HELZ: variants seen among roughly 807,000 people sequenced by gnomAD.
HELZ encodes the protein helicase with zinc finger.
HELZ carries 23 observed loss-of-function variants against 218.2 expected under a neutral mutation model. That is an observed-to-expected ratio of 0.11 (90% CI 0.08 to 0.15). The LOEUF (loss-of-function observed/expected upper bound fraction) is 0.15. HELZ is among the 10% of genes least tolerant of loss of function. The probability of loss-of-function intolerance (pLI) is 1.00; values close to 1 mark genes in which losing one functional copy is unlikely to be tolerated. For missense variants in HELZ, 1,813 were observed against 2,353.7 expected (o/e 0.77, Z 4.75); for synonymous variants, 814 against 829.4 (o/e 0.98, Z 0.32).
At chr17:67,128,955 T>A in intron 23 of HELZ, 100 bp from the exon 24 acceptor site, 1 of 892,588 alleles carries the variant, frequency 1.1e-6, no homozygotes, top group Non-Finnish European at 1.8e-6. Flanking sequence ...ACCCCCAACC[T>A]CAAATCCTTA....
intron 12 of HELZ, chr17:67,179,691 A>C (rs1302510395): frequency 6.6e-6 from 1 of 152,196 alleles, no homozygotes; most frequent in Non-Finnish European, 1.5e-5. Context: ...TGTAGTGCGT[A>C]TTACTTTTCT....
At chr17:67,240,624 A>T (rs540975928) in intron 2 of HELZ, among the ~76,000 whole-genome samples, 1 of 152,250 alleles carries the variant, frequency 6.6e-6, no homozygotes, top group African/African-American at 2.4e-5. Context: ...CCTAAAATAT[A>T]GCACAGAAAT....
chr17:67,135,302 C>A (rs569197426), intron 23 of HELZ, among the ~76,000 whole-genome samples: 1 of 152,226 alleles, frequency 6.6e-6, no homozygotes, highest in African/African-American at 2.4e-5. Flanking sequence ...GAAGGAAATT[C>A]ATCAAAAATT....
intron 22 of HELZ, among the ~76,000 whole-genome samples, chr17:67,136,976 T>G (rs940198043): frequency 3.3e-5 from 5 of 152,130 alleles, no homozygotes; most frequent in Non-Finnish European, 7.4e-5. Context: ...ATAAAAAAAT[T>G]TTTTTTAATG....
Position 67,098,446 on chromosome 17 carries a change from C to T in HELZ, c.5241+8723G>A, listed in dbSNP as rs557608699. ...ATTTTAACTTTTAATTAAAAATGTC[C>T]AAACAAAGCCAGGCGTGGTGGCTCA... On this transcript the variant is annotated intron_variant, in intron 31 of 32. Coordinates refer to ENST00000358691, the MANE Select transcript of HELZ (RefSeq NM_014877.4). 2.0e-5 allele frequency among the ~76,000 whole-genome samples: 3 copies of T among 151,906 alleles called. No homozygotes were observed. The South Asian group carries it at 6.3e-4, about 32-fold the overall frequency.
intron 7 of HELZ, among the ~76,000 whole-genome samples, chr17:67,198,342 C>CT (rs2040084573): frequency 6.6e-6 from 1 of 152,226 alleles, no homozygotes; most frequent in Admixed American, 6.5e-5. Context: ...ACACTGAGCT[C>CT]TAGGTCTCCT....
At chr17:67,231,331 C>T (rs1213788636) in intron 3 of HELZ, among the ~76,000 whole-genome samples, 2 of 151,898 alleles carry the variant, frequency 1.3e-5, no homozygotes, top group Non-Finnish European at 2.9e-5. Context: ...TGGTGGCTCA[C>T]GCATGTAATC....
intron 25 of HELZ, 133 bp from the exon 26 acceptor site, chr17:67,123,293 G>A (rs1237383224): frequency 2.0e-6 from 1 of 507,808 alleles, no homozygotes; most frequent in East Asian, 3.2e-5. Context: ...AGAATTATCA[G>A]TGTGGAAAAG....
chr17:67,144,693 G>A (rs2144002407), intron 21 of HELZ, among the ~76,000 whole-genome samples: 1 of 151,818 alleles, frequency 6.6e-6, no homozygotes, highest in South Asian at 2.1e-4. Context: ...GTCACCGCAG[G>A]GCCACCAAGG....
chr17:67,113,417 G>A (rs976955266), intron 28 of HELZ, among the ~76,000 whole-genome samples: 2 of 151,932 alleles, frequency 1.3e-5, no homozygotes, highest in Admixed American at 6.6e-5. Context: ...CCGCCACCAC[G>A]CCCGGCTAAT....
At chr17:67,118,206 T>G (rs2143808384) in intron 27 of HELZ, among the ~76,000 whole-genome samples, 1 of 152,318 alleles carries the variant, frequency 6.6e-6, no homozygotes, top group Non-Finnish European at 1.5e-5. Context: ...AGTATCCACA[T>G]ATAGGATCAA....
At chr17:67,154,165 C>T (rs1305292359) in intron 17 of HELZ, among the ~76,000 whole-genome samples, 2 of 152,218 alleles carry the variant, frequency 1.3e-5, no homozygotes, top group African/African-American at 2.4e-5. Flanking sequence ...TGATGGCTCA[C>T]GCCTATAATC....
intron 5 of HELZ, among the ~76,000 whole-genome samples, chr17:67,205,313 C>T (rs1312770340): frequency 1.3e-5 from 2 of 148,632 alleles, no homozygotes; most frequent in East Asian, 2.0e-4. Context: ...GGGACAAGAG[C>T]GAAACTGTCT....
chr17:67,106,835 C>A (rs1240446301), intron 31 of HELZ, among the ~76,000 whole-genome samples: 1 of 152,134 alleles, frequency 6.6e-6, no homozygotes, highest in Non-Finnish European at 1.5e-5. Context: ...TTATAATTAA[C>A]ACATGTAACT....
intron 7 of HELZ, 63 bp from the exon 8 acceptor site, chr17:67,195,533 G>A (rs2144321970): frequency 3.4e-6 from 3 of 887,932 alleles, no homozygotes; most frequent in South Asian, 2.9e-5. Context: ...AACTAAACTT[G>A]AACATTTTCA....
intron 5 of HELZ, among the ~76,000 whole-genome samples, chr17:67,212,290 G>A (rs533613535): frequency 1.4e-3 from 140 of 103,518 alleles, no homozygotes; most frequent in African/African-American, 4.7e-3. Flanking sequence ...ACTCCAACCT[G>A]GGCGACAGGG....
At chr17:67,217,334 T>C (rs2040625735) in intron 4 of HELZ, among the ~76,000 whole-genome samples, 1 of 152,236 alleles carries the variant, frequency 6.6e-6, no homozygotes, top group Admixed American at 6.5e-5. Context: ...CTATTTTCAA[T>C]GTATAAACCA....
In HELZ at chr17:67,188,231, A is replaced by C; in HGVS notation, c.1162+88T>G. On this transcript the variant is annotated intron_variant, in intron 12 of 32. Coordinates refer to ENST00000358691, the MANE Select transcript of HELZ (RefSeq NM_014877.4). This position sits in a 1 kb window ranked among gnomAD's most constrained non-coding sequence, Gnocchi z 4.1. Reference sequence around the variant, plus strand: ...TTTTCTTTATTACTATTCTCTTCCTATCCATGGAATATATTCAGGGGCCAA... The same window carrying C: ...TTTTCTTTATTACTATTCTCTTCCTCTCCATGGAATATATTCAGGGGCCAA... The C allele has an allele frequency of 3.4e-6, 4 of 1,188,862 alleles. No homozygotes were observed. Among genetic ancestry groups the C allele is most frequent in the South Asian group, 1.5e-5 (1 of 67,104 alleles). The allele number at this position is 1,188,862 out of a possible 1,614,324, so 73.6% of individuals were successfully genotyped here. A position where few individuals can be genotyped will look rare whatever the true frequency, so the allele number is the denominator to read the frequency against.
chr17:67,229,117 A>C (rs755348928), intron 3 of HELZ, among the ~76,000 whole-genome samples: 1 of 152,216 alleles, frequency 6.6e-6, no homozygotes, highest in Admixed American at 6.5e-5. Context: ...CAGTGTGGCT[A>C]AAGTGTATCA....
Sources: gnomAD v4.1 joint callset for allele counts (sites outside exome capture counted in the v4.1 genomes callset) on GRCh38, gnomAD v4.1.1 for gene constraint, Gnocchi (gnomAD v3.1) non-coding constraint, MANE v1.5 for transcripts, NCBI Gene and HGNC (gene_info 2026-07-23, HGNC 2026-07-21) for gene names.